Variants in XKR9 observed in about 807,000 individuals in gnomAD.
XKR9 encodes XK-related protein 9.
XKR9 carries 32 observed loss-of-function variants against 32.0 expected under a neutral mutation model. The observed-to-expected ratio is 1.00, with a 90% confidence interval of 0.76 to 1.34. The LOEUF is 1.34. Among genes scored for constraint, XKR9 ranks in the 40% most tolerant of loss-of-function variants. XKR9 has a pLI of 0.00. For synonymous variants in XKR9, 168 were observed against 143.4 expected (o/e 1.17, Z -1.22); for missense variants, 546 against 429.7 (o/e 1.27, Z -2.39).
the XKR9 span, among the ~76,000 whole-genome samples, chr8:70,879,222 C>T: frequency 3.9e-5 from 6 of 152,048 alleles, no homozygotes; most frequent in South Asian, 2.1e-4. Context: ...CTAAAATTGA[C>T]ACCTTAATAT....
chr8:70,700,606 C>G (rs1378817474), intron 3 of XKR9, among the ~76,000 whole-genome samples: 1 of 152,188 alleles, frequency 6.6e-6, no homozygotes, highest in Non-Finnish European at 1.5e-5. Flanking sequence ...GGGGTTGCCT[C>G]CCAGTTAGGC....
the XKR9 span, among the ~76,000 whole-genome samples, chr8:70,976,847 C>T: frequency 6.6e-6 from 1 of 152,180 alleles, no homozygotes; most frequent in Admixed American, 6.5e-5. Flanking sequence ...CTGTCTGGTC[C>T]TGGACTTTTT....
At chr8:70,914,702 A>G in the XKR9 span, among the ~76,000 whole-genome samples, 1 of 152,124 alleles carries the variant, frequency 6.6e-6, no homozygotes, top group African/African-American at 2.4e-5. Context: ...GTGTCTTTTA[A>G]TGAAAAGAAG....
the XKR9 span, among the ~76,000 whole-genome samples, chr8:70,956,415 G>A: frequency 1.3e-5 from 2 of 152,144 alleles, no homozygotes; most frequent in African/African-American, 4.8e-5. Context: ...GCCACAGCAG[G>A]CCTGGAAAAA....
At chr8:71,023,670 G>A in the XKR9 span, among the ~76,000 whole-genome samples, 3 of 152,214 alleles carry the variant, frequency 2.0e-5, no homozygotes, top group Non-Finnish European at 4.4e-5. Flanking sequence ...AGCAATGTGT[G>A]TGGTGTGGAT....
chr8:70,898,275 G>A, the XKR9 span, among the ~76,000 whole-genome samples: 5 of 152,154 alleles, frequency 3.3e-5, no homozygotes, highest in Middle Eastern at 3.4e-3. Flanking sequence ...TCCATTGATC[G>A]ATGTGTCTCT....
At chr8:70,821,255 C>T in the XKR9 span, among the ~76,000 whole-genome samples, 1 of 152,248 alleles carries the variant, frequency 6.6e-6, no homozygotes, top group East Asian at 1.9e-4. Flanking sequence ...CTCCATATCT[C>T]ACATCCAGGT....
At chr8:70,971,409 G>C in the XKR9 span, among the ~76,000 whole-genome samples, 1 of 151,412 alleles carries the variant, frequency 6.6e-6, no homozygotes, top group Non-Finnish European at 1.5e-5. Flanking sequence ...CCACTGTGTG[G>C]GTTATCTGTT....
the XKR9 span, among the ~76,000 whole-genome samples, chr8:70,814,430 C>T: frequency 6.6e-6 from 1 of 151,216 alleles, no homozygotes; most frequent in East Asian, 1.9e-4. Context: ...TACCCTAAAA[C>T]TTAAAAGTAT....
rs1329469957 is a variant in XKR9 at position 70,744,792 on chromosome 8, GA to G, written n.352+37640del. On this transcript the variant is annotated intron_variant and non_coding_transcript_variant, in intron 2 of 3. Transcript: ENST00000520273. Reference sequence around the variant, plus strand: ...GGCTAATTTTTGTATTTTTGGTAGAGATTGGGTTTTGCCATGTTGGCCAGGC... The same window carrying G: ...GGCTAATTTTTGTATTTTTGGTAGAGTTGGGTTTTGCCATGTTGGCCAGGC... 1.8e-4 allele frequency among the ~76,000 whole-genome samples: 24 copies of G among 131,224 alleles called. 1 individual carries two copies. The highest frequency in any genetic ancestry group is 3.8e-3 in the Middle Eastern group (1 of 262). The allele number at this position is 131,224 out of a possible 152,430, so 86.1% of individuals were successfully genotyped here.
At chr8:70,792,483 T>C (rs912630098), downstream of XKR9, among the ~76,000 whole-genome samples, 5 of 152,122 alleles carry the variant, frequency 3.3e-5, no homozygotes, top group Non-Finnish European at 7.4e-5. Flanking sequence ...TGTCATGTAC[T>C]GTGCCAGATG....
chr8:70,985,759 A>AT, the XKR9 span, among the ~76,000 whole-genome samples: 13 of 148,242 alleles, frequency 8.8e-5, no homozygotes, highest in Admixed American at 1.4e-4. Context: ...AATATGGTAA[A>AT]TTTTTTTTTT....
chr8:70,727,865 C>G (rs1806528239), intron 4 of XKR9, among the ~76,000 whole-genome samples: 2 of 151,748 alleles, frequency 1.3e-5, no homozygotes, highest in South Asian at 4.2e-4. Flanking sequence ...GTTTATCGAT[C>G]TGGGTAGTGC....
chr8:70,909,209 G>A, the XKR9 span, among the ~76,000 whole-genome samples: 1 of 152,034 alleles, frequency 6.6e-6, no homozygotes, highest in Admixed American at 6.5e-5. Context: ...TCATACAATG[G>A]TTTTCATTAT....
chr8:70,868,052 A>G, the XKR9 span, among the ~76,000 whole-genome samples: 1 of 152,204 alleles, frequency 6.6e-6, no homozygotes, highest in African/African-American at 2.4e-5. Flanking sequence ...GGTCACACAG[A>G]TGCAAGAGGC....
chr8:70,808,236 T>A, the XKR9 span, among the ~76,000 whole-genome samples: 2 of 152,240 alleles, frequency 1.3e-5, no homozygotes, highest in East Asian at 3.9e-4. Flanking sequence ...AAAGGGACAA[T>A]GTACCAGAAT....
chr8:71,045,851 G>A, the XKR9 span, among the ~76,000 whole-genome samples: 1 of 152,288 alleles, frequency 6.6e-6, no homozygotes, highest in South Asian at 2.1e-4. Context: ...TTTGGAGAGT[G>A]GATATCCTCA....
intron 3 of XKR9, among the ~76,000 whole-genome samples, chr8:70,704,857 T>A (rs1233225317): frequency 6.6e-6 from 1 of 152,042 alleles, no homozygotes; most frequent in East Asian, 1.9e-4. Context: ...GTATTAATCA[T>A]TTTTTTTCTT....
Position 70,687,989 on chromosome 8 carries a change from T to G in XKR9, c.272+6659T>G, listed in dbSNP as rs1284960665. 5.3e-5 allele frequency among the ~76,000 whole-genome samples: 8 copies of G among 152,234 alleles called. 1 individual carries two copies. The highest frequency in any genetic ancestry group is 5.2e-4 in the Admixed American group (8 of 15,278). Reference sequence around the variant, plus strand: ...AGTGCCATTCAGATATTGTACAGTTTTACTGATTTTATGCTTAGTTGTTTT... The same window carrying G: ...AGTGCCATTCAGATATTGTACAGTTGTACTGATTTTATGCTTAGTTGTTTT... On this transcript the variant is annotated intron_variant, in intron 3 of 4. Transcript: ENST00000408926.
Sources: allele counts gnomAD v4.1 joint callset (sites outside exome capture counted in the v4.1 genomes callset), GRCh38; gene constraint gnomAD v4.1.1; transcripts MANE v1.5; gene names NCBI Gene and HGNC (gene_info 2026-07-23, HGNC 2026-07-21).